Variants in SCAPER observed in about 807,000 individuals in gnomAD.
The protein encoded by SCAPER is S phase cyclin A-associated protein in the endoplasmic reticulum.
In SCAPER, 98 loss-of-function variants were observed where a neutral mutation model predicts 182.2. The ratio of observed to expected loss-of-function variants is 0.54; its 90% CI spans 0.46 to 0.64. The LOEUF (loss-of-function observed/expected upper bound fraction) is 0.64, where lower values mean the gene tolerates loss of function less well. SCAPER is among the 30% of genes least tolerant of loss of function. The pLI is 0.00. For missense variants in SCAPER, 1,432 were observed against 1,690.0 expected (o/e 0.85, Z 2.68); for synonymous variants, 605 against 564.6 (o/e 1.07, Z -1.01).
intron 23 of SCAPER, among the ~76,000 whole-genome samples, chr15:76,527,684 A>G (rs1567356345): frequency 6.6e-6 from 1 of 152,212 alleles, no homozygotes. Context: ...CCTAGTCACA[A>G]CAGTCTGCCT....
rs554273417 is a variant in SCAPER at position 76,563,379 on chromosome 15, G to A, written c.2838+10779C>T. 2.0e-5 allele frequency among the ~76,000 whole-genome samples: 3 copies of A among 152,236 alleles called. No individual in the cohort carries two copies. The East Asian group carries it at 5.8e-4, about 29-fold the overall frequency. Reference sequence around the variant, plus strand: ...CACAGAAATACAAGCAACAATTGGAGAATATTATGAATACCTCTATGCACA... The same window carrying A: ...CACAGAAATACAAGCAACAATTGGAAAATATTATGAATACCTCTATGCACA... On this transcript the variant is annotated intron_variant, in intron 23 of 31. Coordinates refer to ENST00000563290, the MANE Select transcript of SCAPER (RefSeq NM_020843.4).
chr15:76,605,486 T>C (rs2145847614), intron 22 of SCAPER, among the ~76,000 whole-genome samples: 1 of 152,286 alleles, frequency 6.6e-6, no homozygotes, highest in South Asian at 2.1e-4. Flanking sequence ...AAAATTCTCT[T>C]TTTTGGTTGT....
chr15:76,590,416 C>T (rs954945889), intron 22 of SCAPER, among the ~76,000 whole-genome samples: 5 of 151,992 alleles, frequency 3.3e-5, no homozygotes, highest in Admixed American at 1.3e-4. Context: ...TGTAAATACA[C>T]TATAAAAAAT....
At position 76,668,588 on chromosome 15, in the gene SCAPER, G is replaced by A. The variant is rs183854884; in HGVS notation, c.2509-2799C>T. Among the ~76,000 whole-genome samples, 193 of 152,292 alleles carry A rather than the reference G, an allele frequency of 1.3e-3. 2 individuals carry two copies. The highest frequency in any genetic ancestry group is 4.5e-3 in the African/African-American group (188 of 41,568). ...CAAGAATATTCTCTTGGGTATTTAC[G>A]TGGTCTTGACCAAAGTGAATGCTCA... On this transcript the variant is annotated intron_variant, in intron 20 of 31. Transcript: ENST00000563290.
intron 29 of SCAPER, among the ~76,000 whole-genome samples, chr15:76,372,741 A>G (rs1296540326): frequency 6.6e-6 from 1 of 152,244 alleles, no homozygotes; most frequent in Non-Finnish European, 1.5e-5. Context: ...TATGATAAAC[A>G]ATTTAAGTAT....
chr15:76,593,758 G>T (rs115482815), intron 22 of SCAPER, among the ~76,000 whole-genome samples: 1,472 of 121,108 alleles, frequency 0.012, 164 homozygotes, highest in African/African-American at 0.036. Flanking sequence ...AAAACTGACA[G>T]ACAGAAAGGA....
chr15:76,643,651 C>T (rs200250153), intron 21 of SCAPER, among the ~76,000 whole-genome samples: 5 of 152,130 alleles, frequency 3.3e-5, no homozygotes, highest in Admixed American at 6.5e-5. Flanking sequence ...CACTGCACTC[C>T]GGCCCAGGTG....
chr15:76,732,583 G>A (rs757095645), intron 16 of SCAPER, among the ~76,000 whole-genome samples: 4 of 151,972 alleles, frequency 2.6e-5, no homozygotes, highest in Non-Finnish European at 5.9e-5. Context: ...GTGGTCTAGC[G>A]GTAGCATCAG....
intron 16 of SCAPER, among the ~76,000 whole-genome samples, chr15:76,731,619 G>A (rs1394782174): frequency 1.3e-5 from 2 of 152,178 alleles, no homozygotes; most frequent in Non-Finnish European, 2.9e-5. Flanking sequence ...AGCAAGTAAT[G>A]ATTACACATT....
intron 1 of SCAPER, among the ~76,000 whole-genome samples, chr15:76,898,046 G>A (rs919413218): frequency 5.3e-5 from 8 of 152,166 alleles, no homozygotes; most frequent in Non-Finnish European, 1.2e-4. Flanking sequence ...CCAAGAGGAA[G>A]AATAAGAACC....
intron 21 of SCAPER, among the ~76,000 whole-genome samples, chr15:76,622,096 G>A (rs2052127706): frequency 6.6e-6 from 1 of 152,074 alleles, no homozygotes. Flanking sequence ...GATGTGTTTT[G>A]TTTTTGTTTT....
chr15:76,521,451 G>C (rs1216999601), intron 23 of SCAPER, among the ~76,000 whole-genome samples: 4 of 152,000 alleles, frequency 2.6e-5, no homozygotes, highest in Admixed American at 2.6e-4. Flanking sequence ...GGGAGGGTGG[G>C]GAGAGAGGAT....
chr15:76,781,741 T>C (rs1168582815), intron 8 of SCAPER, among the ~76,000 whole-genome samples: 2 of 152,080 alleles, frequency 1.3e-5, no homozygotes, highest in Admixed American at 6.5e-5. Context: ...TATTCAACAT[T>C]ATTAAACAAA....
chr15:76,643,669 G>A lies in SCAPER; in HGVS notation c.2646-21840C>T, dbSNP rs139006218. 8.2e-3 allele frequency among the ~76,000 whole-genome samples: 1,245 copies of A among 152,270 alleles called. 12 individuals carry two copies. The highest frequency in any genetic ancestry group is 0.028 in the African/African-American group (1,179 of 41,532). On this transcript the variant is annotated intron_variant, in intron 21 of 31. Transcript: ENST00000563290. ...TGCACTCCGGCCCAGGTGACAGGGC[G>A]AAACTCTGTCTTTAAAAAACAAACA...
chr15:76,611,503 A>G (rs1390898382), intron 22 of SCAPER, among the ~76,000 whole-genome samples: 1 of 152,194 alleles, frequency 6.6e-6, no homozygotes, highest in African/African-American at 2.4e-5. Flanking sequence ...AGATGTACAA[A>G]GAAGAGCTGG....
intron 15 of SCAPER, chr15:76,736,695 G>T (rs2151082243): frequency 6.5e-6 from 1 of 154,374 alleles, no homozygotes; most frequent in Admixed American, 6.5e-5. Context: ...CGCCAGGGTT[G>T]ATTCAGCTGA....
intron 8 of SCAPER, among the ~76,000 whole-genome samples, chr15:76,793,769 G>A (rs1014520193): frequency 2.6e-5 from 4 of 152,172 alleles, no homozygotes; most frequent in Non-Finnish European, 5.9e-5. Flanking sequence ...CAAGAAGTAG[G>A]TAGTCGGAAT....
chr15:76,356,332 T>C (rs1401209967), intron 29 of SCAPER, among the ~76,000 whole-genome samples: 3 of 152,132 alleles, frequency 2.0e-5, no homozygotes, highest in African/African-American at 7.2e-5. Context: ...CTGACCTTAA[T>C]GATCAGGGTT....
At chr15:76,626,698 C>G (rs1008626060) in intron 21 of SCAPER, among the ~76,000 whole-genome samples, 1 of 152,202 alleles carries the variant, frequency 6.6e-6, no homozygotes, top group Non-Finnish European at 1.5e-5. Context: ...GCCTGGATGA[C>G]AGAGAGAGAT....
Sources: allele counts gnomAD v4.1 joint callset (sites outside exome capture counted in the v4.1 genomes callset), GRCh38; gene constraint gnomAD v4.1.1; transcripts MANE v1.5; gene names NCBI Gene and HGNC (gene_info 2026-07-23, HGNC 2026-07-21).